SLC27A2: variants seen among roughly 807,000 people sequenced by gnomAD.
The protein encoded by SLC27A2 is solute carrier family 27 member 2, also known as long-chain fatty acid transport protein 2.
In SLC27A2, 54 loss-of-function variants were observed where a neutral mutation model predicts 60.0. The ratio of observed to expected loss-of-function variants is 0.90; its 90% CI spans 0.72 to 1.13. SLC27A2 has a LOEUF of 1.13. Among genes scored for constraint, SLC27A2 ranks in the 50% most tolerant of loss-of-function variants. The pLI, the probability that SLC27A2 is intolerant of heterozygous loss-of-function variation, is 0.00. For missense variants in SLC27A2, 739 were observed against 777.6 expected (o/e 0.95, Z 0.59); for synonymous variants, 297 against 297.6 (o/e 1.00, Z 0.02).
rs1448031305 is a variant in SLC27A2 at position 50,211,859 on chromosome 15, C to T, written c.972+6496C>T. 3.9e-5 allele frequency among the ~76,000 whole-genome samples: 6 copies of T among 151,952 alleles called. No individual in the cohort carries two copies. The East Asian group carries it at 9.7e-4, about 25-fold the overall frequency. On this transcript the variant is annotated intron_variant, in intron 4 of 9. Transcript: ENST00000267842. Reference sequence around the variant, plus strand: ...GGCTGAGGCAGGCAGATCACAAGGTCGGGAGATTGAGACCATCCTGGCTAA... The same window carrying T: ...GGCTGAGGCAGGCAGATCACAAGGTTGGGAGATTGAGACCATCCTGGCTAA...
intron 4 of SLC27A2, among the ~76,000 whole-genome samples, chr15:50,219,022 A>G (rs576796092): frequency 3.1e-4 from 47 of 152,376 alleles, no homozygotes; most frequent in African/African-American, 1.1e-3. Context: ...AATTAATTCC[A>G]GGAAAAATAA....
At chr15:50,186,450 T>A (rs1254467913) in intron 1 of SLC27A2, among the ~76,000 whole-genome samples, 2 of 134,120 alleles carry the variant, frequency 1.5e-5, no homozygotes, top group Non-Finnish European at 3.3e-5. Context: ...TTTGTTTGTT[T>A]GTTTTTGAGA....
At chr15:50,209,325 G>A (rs2045136687) in intron 4 of SLC27A2, among the ~76,000 whole-genome samples, 1 of 152,108 alleles carries the variant, frequency 6.6e-6, no homozygotes, top group African/African-American at 2.4e-5. Flanking sequence ...GTGGAGAGTG[G>A]CCAATATGAC....
intron 4 of SLC27A2, among the ~76,000 whole-genome samples, chr15:50,209,247 A>C (rs980786363): frequency 5.3e-5 from 8 of 152,090 alleles, no homozygotes; most frequent in Non-Finnish European, 1.2e-4. Context: ...TCTAGCCTAA[A>C]ATTTCTGTCT....
intron 4 of SLC27A2, among the ~76,000 whole-genome samples, chr15:50,219,325 C>T (rs751354488): frequency 7.2e-5 from 11 of 152,180 alleles, no homozygotes; most frequent in Admixed American, 4.6e-4. Context: ...AGGGTGGGAA[C>T]AGGTAGATGG....
chr15:50,214,435 T>C (rs930904189), intron 4 of SLC27A2, among the ~76,000 whole-genome samples: 3 of 151,978 alleles, frequency 2.0e-5, no homozygotes, highest in African/African-American at 4.8e-5. Context: ...TTCCACAAGA[T>C]AGAGAAAGAA....
At position 50,227,138 on chromosome 15, in the gene SLC27A2, A is replaced by T. The variant is rs764743261; in HGVS notation, c.1417A>T (p.Asn473Tyr). ...AGATCTCTTAATGGTTGACCATGAA[A>T]ATTTCATCTATTTCCACGACAGAGT... is the stretch of plus-strand genomic sequence containing the variant. ...SGDLLMVDHENFIYFHDRVGD... is the reference protein window; with the variant it reads ...SGDLLMVDHEYFIYFHDRVGD... The change falls in exon 7 of 10, where the codon AAT becomes TAT. Residue 473 changes from asparagine to tyrosine, a missense_variant. By Grantham distance (143) the Asn-to-Tyr change is moderately radical. Transcript: ENST00000267842. 10 of 1,614,018 alleles carry T rather than the reference A, an allele frequency of 6.2e-6. No individual in the cohort carries two copies. The South Asian group carries it at 1.1e-4, about 18-fold the overall frequency.
At position 50,222,972 on chromosome 15, in the gene SLC27A2, ATGACCGTGATCATAAAG is replaced by A; in HGVS notation, c.984_1000del (p.Asp328GlufsTer27). 1 of 1,607,550 alleles carries A rather than the reference ATGACCGTGATCATAAAG, an allele frequency of 6.2e-7. No individual in the cohort carries two copies. The highest frequency in any genetic ancestry group is 8.5e-7 in the Non-Finnish European group (1 of 1,176,582). On this transcript the variant is annotated frameshift_variant, in exon 5 of 10. Transcript: ENST00000267842. LOFTEE classifies it high-confidence loss of function. Reference sequence around the variant, plus strand: ...TCTTCTCCCCCACCACAGAAACCAAATGACCGTGATCATAAAGTGAGACTGGCACTGGGAAATGGCTT... The same window carrying A: ...TCTTCTCCCCCACCACAGAAACCAAATGAGACTGGCACTGGGAAATGGCTT...
intron 4 of SLC27A2, among the ~76,000 whole-genome samples, chr15:50,206,023 C>T (rs1461159575): frequency 1.3e-5 from 2 of 152,156 alleles, no homozygotes; most frequent in Non-Finnish European, 1.5e-5. Flanking sequence ...GTTCAGCTCT[C>T]GATGGGGTTG....
In SLC27A2 at chr15:50,182,852, C is replaced by T. The variant is rs1237889150; in HGVS notation, c.425C>T (p.Ser142Phe). 2 of 1,613,086 alleles carry T rather than the reference C, an allele frequency of 1.2e-6. No homozygotes were observed. The highest frequency in any genetic ancestry group is 4.5e-5 in the East Asian group (2 of 44,862). The change falls in exon 1 of 10, where the codon TCC becomes TTC. Residue 142 changes from serine (S) to phenylalanine (F), a missense_variant. Physicochemically the swap from Ser to Phe is radical, Grantham distance 155. Coordinates refer to ENST00000267842, the MANE Select transcript of SLC27A2 (RefSeq NM_003645.4). ...ACLNYNIRAKSLLHCFQCCGA... is the reference protein window; with the variant it reads ...ACLNYNIRAKFLLHCFQCCGA... ...CTCAATTACAACATCCGCGCGAAGT[C>T]CCTGCTGCACTGCTTCCAGTGCTGC...
chr15:50,185,307 T>G (rs947752932), intron 1 of SLC27A2, among the ~76,000 whole-genome samples: 4 of 152,170 alleles, frequency 2.6e-5, no homozygotes, highest in African/African-American at 9.7e-5. Flanking sequence ...ACAGTGGACC[T>G]AAGGCACTCT....
chr15:50,212,329 T>C (rs1440371965), intron 4 of SLC27A2, among the ~76,000 whole-genome samples: 4 of 152,202 alleles, frequency 2.6e-5, no homozygotes. Context: ...TACTTGATGT[T>C]CCTGAGGAAG....
chr15:50,182,635 C>T lies in SLC27A2; in HGVS notation c.208C>T (p.Pro70Ser). The T allele has an allele frequency of 3.1e-6, 5 of 1,614,014 alleles. No homozygotes were observed. The highest frequency in any genetic ancestry group is 1.7e-5 in the Admixed American group (1 of 60,030). The change falls in exon 1 of 10, where the codon CCT becomes TCT. Residue 70 changes from proline (P) to serine (S), a missense_variant. Physicochemically the swap from Pro to Ser is moderately conservative, Grantham distance 74. Coordinates refer to ENST00000267842, the MANE Select transcript of SLC27A2 (RefSeq NM_003645.4). ...GAAAGCGCGCCAGACGCCACACAAG[C>T]CTTTTCTGCTCTTCCGCGACGAGAC... is the stretch of plus-strand genomic sequence containing the variant. ...LEKARQTPHK[P>S]FLLFRDETLT...
At chr15:50,192,705 C>A (rs927288696) in intron 1 of SLC27A2, among the ~76,000 whole-genome samples, 7 of 150,224 alleles carry the variant, frequency 4.7e-5, no homozygotes, top group Admixed American at 6.7e-5. Context: ...CCACCACATC[C>A]GGCTAATATT....
At chr15:50,234,093 GC>G in intron 9 of SLC27A2, 95 bp downstream of exon 9, 1 of 1,252,156 alleles carries the variant, frequency 8.0e-7, no homozygotes. Flanking sequence ...GACTACATTT[GC>G]CAAGTTTTCA....
rs776616450 is a variant in SLC27A2, at chr15:50,197,517, G to A, written c.496G>A (p.Glu166Lys). ...LVSPELQAAV[E>K]EILPSLKKDD... ...AAATTAAGAACTACAAGCAGCTGTCGAAGAGATACTGCCAAGCCTTAAAAA... is the reference window on the plus strand; with the variant it reads ...AAATTAAGAACTACAAGCAGCTGTCAAAGAGATACTGCCAAGCCTTAAAAA... Residue 166 changes from glutamate to lysine, a missense_variant, in exon 2 of 10, where the codon GAA becomes AAA. Glu to Lys is a moderately conservative substitution (Grantham distance 56, BLOSUM62 1). Transcript: ENST00000267842. 8 of 1,613,474 alleles carry A rather than the reference G, an allele frequency of 5.0e-6. No homozygotes were observed. In the East Asian group the frequency reaches 6.7e-5, roughly 13 times the overall value.
chr15:50,226,964 C>A lies in SLC27A2; in HGVS notation c.1259-16C>A. On this transcript the variant is annotated splice_polypyrimidine_tract_variant and intron_variant, in intron 6 of 9. Transcript: ENST00000267842. ...ACCTCTAGCACATAAAATAAGTTTA[C>A]TTTCTTCTGTCTTAGGTGAAGTTGG... 1 of 1,604,572 alleles carries A rather than the reference C, an allele frequency of 6.2e-7. No individual in the cohort carries two copies. Among genetic ancestry groups the A allele is most frequent in the Non-Finnish European group, 8.5e-7 (1 of 1,175,978 alleles).
intron 4 of SLC27A2, among the ~76,000 whole-genome samples, chr15:50,208,998 A>C (rs935626218): frequency 4.6e-5 from 7 of 152,200 alleles, no homozygotes; most frequent in African/African-American, 1.7e-4. Context: ...CTGAAGCTAC[A>C]GTCTGTACTG....
At chr15:50,194,314 AG>A (rs1311301170) in intron 1 of SLC27A2, among the ~76,000 whole-genome samples, 1 of 152,172 alleles carries the variant, frequency 6.6e-6, no homozygotes, top group African/African-American at 2.4e-5. Flanking sequence ...GATAAGCAGG[AG>A]TTTTCCAGGT....
Sources: gnomAD v4.1 joint callset for allele counts (sites outside exome capture counted in the v4.1 genomes callset) on GRCh38, gnomAD v4.1.1 for gene constraint, MANE v1.5 for transcripts, NCBI Gene and HGNC (gene_info 2026-07-23, HGNC 2026-07-21) for gene names.